Variants in USP21 observed in about 807,000 individuals in gnomAD.
USP21 encodes the protein ubiquitin specific peptidase 21, also known as ubiquitin carboxyl-terminal hydrolase 21.
In USP21, 37 loss-of-function variants were observed where a neutral mutation model predicts 70.8. The ratio of observed to expected loss-of-function variants is 0.52; its 90% CI spans 0.40 to 0.69. The LOEUF (loss-of-function observed/expected upper bound fraction) is 0.69. USP21 is among the 30% of genes least tolerant of loss of function. USP21 has a pLI of 0.00. For synonymous variants in USP21, 263 were observed against 283.1 expected, an observed-to-expected ratio of 0.93 and a Z score of 0.71; for missense variants, 584 against 740.8, an observed-to-expected ratio of 0.79 and a Z score of 2.46.
Position 161,163,624 on chromosome 1 carries a change from G to A in USP21, c.1114+5G>A. ...GAGAGGACAGCAAGATTGTGGGTAT[G>A]GAATGGGGCAAAGCAATGAGGGAAA... On this transcript the variant is annotated splice_donor_5th_base_variant and intron_variant, in intron 8 of 13. Transcript: ENST00000368002. The A allele has an allele frequency of 1.3e-6, 2 of 1,596,108 alleles. No individual in the cohort carries two copies. The highest frequency in any genetic ancestry group is 1.7e-6 in the Non-Finnish European group (2 of 1,169,874).
Position 161,160,637 on chromosome 1 carries a change from C to T in USP21, c.-4C>T. The T allele has an allele frequency of 6.2e-7, 1 of 1,610,410 alleles. No individual in the cohort carries two copies. The highest frequency in any genetic ancestry group is 8.5e-7 in the Non-Finnish European group (1 of 1,177,188). ...CCTCCCAGGTCCAGCCTGTGGTGTC[C>T]ACAATGCCCCAGGCCTCTGAGCACC... is the stretch of plus-strand genomic sequence containing the variant. On this transcript the variant is annotated 5_prime_UTR_variant, in exon 3 of 14. Transcript: ENST00000368002.
At position 161,160,800 on chromosome 1, in the gene USP21, C is replaced by G. The variant is rs775224335; in HGVS notation, c.160C>G (p.Pro54Ala). ...AAACCCCATGTTACGACCTCTGCCT[C>G]CCCGGCCAGGTCTGCCTGATGAACG... is the stretch of plus-strand genomic sequence containing the variant. ...GPNPMLRPLP[P>A]RPGLPDERLK... The change falls in exon 3 of 14, where the codon CCC becomes GCC. Residue 54 changes from proline to alanine, a missense_variant. This residue lies in a region of USP21 where 284 missense variants were observed against 281.0 expected (regional missense o/e 1.01). Transcript: ENST00000368002. 6 of 1,614,098 alleles carry G rather than the reference C, an allele frequency of 3.7e-6. No homozygotes were observed. In the African/African-American group the frequency reaches 6.7e-5, roughly 18 times the overall value.
chr1:161,165,550 A>AG lies in USP21; in HGVS notation c.*109dup. 2 of 284,628 alleles carry AG rather than the reference A, an allele frequency of 7.0e-6. No homozygotes were observed. The highest frequency in any genetic ancestry group is 3.5e-5 in the South Asian group (1 of 28,356). The allele number at this position is 284,628 out of a possible 1,614,324, so 17.6% of individuals were successfully genotyped here. On this transcript the variant is annotated 3_prime_UTR_variant, in exon 14 of 14. Coordinates refer to ENST00000368002, the MANE Select transcript of USP21 (RefSeq NM_001014443.3). ...TATTTTTGTGTCTTTTTAATCGGGGAGGGGGGAGGGGGTGGTTGTAGCTCC... is the reference window on the plus strand; with the variant it reads ...TATTTTTGTGTCTTTTTAATCGGGGAGGGGGGGAGGGGGTGGTTGTAGCTCC...
In USP21 at chr1:161,162,343, TC is replaced by T; in HGVS notation, c.736del (p.Arg246GlyfsTer20). 4 of 1,613,652 alleles carry T rather than the reference TC, an allele frequency of 2.5e-6. No homozygotes were observed. Among genetic ancestry groups the T allele is most frequent in the Non-Finnish European group, 2.5e-6 (3 of 1,179,798 alleles). Reference protein sequence around the residue: ...PLRDFCLRRDFRQEVPGGGRA... With the variant: ...PLRDFCLRRDXRQEVPGGGRA... ...CGGGACTTCTGTCTGAGAAGGGACT[TC>T]CGGCAAGAGGTGCCTGGAGGAGGCC... On this transcript the variant is annotated frameshift_variant, in exon 5 of 14. Coordinates refer to ENST00000368002, the MANE Select transcript of USP21 (RefSeq NM_001014443.3). LOFTEE classifies it high-confidence loss of function. The surrounding 1 kb of genome is among the most constrained non-coding windows in gnomAD (Gnocchi z 4.1).
chr1:161,164,728 C>A lies in USP21; in HGVS notation c.1385-107C>A. On this transcript the variant is annotated intron_variant, in intron 11 of 13. Coordinates refer to ENST00000368002, the MANE Select transcript of USP21 (RefSeq NM_001014443.3). The surrounding 1 kb of genome is among the most constrained non-coding windows in gnomAD (Gnocchi z 4.2). ...GAAAAGTCTGCCACCCACTTTTCCACAAGATGCTCCCAGTGTGTCGGGAGT... is the reference window on the plus strand; with the variant it reads ...GAAAAGTCTGCCACCCACTTTTCCAAAAGATGCTCCCAGTGTGTCGGGAGT... 1 of 1,600,308 alleles carries A rather than the reference C, an allele frequency of 6.2e-7. No individual in the cohort carries two copies. Among genetic ancestry groups the A allele is most frequent in the Admixed American group, 1.7e-5 (1 of 58,888 alleles).
At position 161,164,640 on chromosome 1, in the gene USP21, T is replaced by C; in HGVS notation, c.1384+28T>C. 1 of 1,613,918 alleles carries C rather than the reference T, an allele frequency of 6.2e-7. No homozygotes were observed. The highest frequency in any genetic ancestry group is 1.7e-5 in the Admixed American group (1 of 60,022). ...ATCCTAATCTTCAGATTCTTACTTC[T>C]CTTAGGATACCTCCCATACATTCTC... On this transcript the variant is annotated intron_variant, in intron 11 of 13. Coordinates refer to ENST00000368002, the MANE Select transcript of USP21 (RefSeq NM_001014443.3). The surrounding 1 kb of genome is among the most constrained non-coding windows in gnomAD (Gnocchi z 4.2).
At position 161,164,950 on chromosome 1, in the gene USP21, T is replaced by A; in HGVS notation, c.1492+8T>A. 6.2e-7 allele frequency: 1 copy of A among 1,613,864 alleles called. No individual in the cohort carries two copies. The highest frequency in any genetic ancestry group is 1.3e-5 in the African/African-American group (1 of 75,030). ...TTGCCAGTGACAAAGCCGGTGAGTC[T>A]GGTGGGGAAAGTCCTAAGGAGCCAA... On this transcript the variant is annotated splice_region_variant and intron_variant, in intron 12 of 13. Coordinates refer to ENST00000368002, the MANE Select transcript of USP21 (RefSeq NM_001014443.3). This position sits in a 1 kb window ranked among gnomAD's most constrained non-coding sequence, Gnocchi z 4.2.
In USP21 at chr1:161,165,075, C is replaced by T. The variant is rs1368794125; in HGVS notation, c.1539C>T (p.Ser513=). ...ATGCCCTTTGCAACCACTCAGGCAGCGTCCACTATGGCCACTACACAGCCC... is the reference window on the plus strand; with the variant it reads ...ATGCCCTTTGCAACCACTCAGGCAGTGTCCACTATGGCCACTACACAGCCC... ...QLYALCNHSG[S]VHYGHYTALC... Residue 513 remains serine (S), a synonymous_variant, in exon 13 of 14, where the codon AGC becomes AGT. Transcript: ENST00000368002. 9 of 1,613,858 alleles carry T rather than the reference C, an allele frequency of 5.6e-6. No individual in the cohort carries two copies. Among genetic ancestry groups the T allele is most frequent in the Middle Eastern group, 1.6e-4 (1 of 6,082 alleles).
rs1348279732 is a variant in USP21, at chr1:161,161,199, T to C, written c.559T>C (p.Ser187Pro). Residue 187 changes from serine to proline, a missense_variant, in exon 3 of 14, where the codon TCC becomes CCC. By Grantham distance (74) the Ser-to-Pro change is moderately conservative (BLOSUM62 -1). This residue lies in a region of USP21 where 284 missense variants were observed against 281.0 expected (regional missense o/e 1.01). Transcript: ENST00000368002. The surrounding 1 kb of genome is among the most constrained non-coding windows in gnomAD (Gnocchi z 4.2). ...PASHGSFHMISARSSEPFYSD... is the reference protein window; with the variant it reads ...PASHGSFHMIPARSSEPFYSD... ...TTCCCATGGCTCCTTCCACATGATA[T>C]CCGCCCGGTCCTCTGAGCCTTTCTA... 24 of 1,611,582 alleles carry C rather than the reference T, an allele frequency of 1.5e-5. No homozygotes were observed. The highest frequency in any genetic ancestry group is 2.0e-5 in the Non-Finnish European group (24 of 1,178,398).
At position 161,161,779 on chromosome 1, in the gene USP21, C is replaced by G. The variant is rs568118134; in HGVS notation, c.601-259C>G. On this transcript the variant is annotated intron_variant, in intron 3 of 13. Coordinates refer to ENST00000368002, the MANE Select transcript of USP21 (RefSeq NM_001014443.3). The surrounding 1 kb of genome is among the most constrained non-coding windows in gnomAD (Gnocchi z 4.2). ...GGGGGAGTTGCCCCAGGAGCTGCAA[C>G]GTCAGCTAGCTGAGCAGAGGAGTAA... 9.5e-6 allele frequency: 5 copies of G among 524,408 alleles called. No individual in the cohort carries two copies. The highest frequency in any genetic ancestry group is 1.7e-5 in the Non-Finnish European group (5 of 292,548). The allele number at this position is 524,408 out of a possible 1,614,324, so 32.5% of individuals were successfully genotyped here.
At position 161,164,648 on chromosome 1, in the gene USP21, T is replaced by C. The variant is rs1231620980; in HGVS notation, c.1384+36T>C. The C allele has an allele frequency of 3.1e-6, 5 of 1,613,518 alleles. No individual in the cohort carries two copies. Among genetic ancestry groups the C allele is most frequent in the Non-Finnish European group, 4.2e-6 (5 of 1,179,550 alleles). ...CTTCAGATTCTTACTTCTCTTAGGA[T>C]ACCTCCCATACATTCTCTTTCCTCC... On this transcript the variant is annotated intron_variant, in intron 11 of 13. Transcript: ENST00000368002. This position sits in a 1 kb window ranked among gnomAD's most constrained non-coding sequence, Gnocchi z 4.2.
chr1:161,160,965 G>T lies in USP21; in HGVS notation c.325G>T (p.Ala109Ser), dbSNP rs372425350. ...GCCTCTCCCATCTCGGACCAACTTA[G>T]CCCGTTCCAAGTCTGTGAGCAGTGG... The part of the protein sequence containing the change: ...ALPLPSRTNL[A>S]RSKSVSSGDL... The change falls in exon 3 of 14, where the codon GCC (alanine) becomes TCC (serine). Residue 109 changes from alanine (A) to serine (S), a missense_variant. Coordinates refer to ENST00000368002, the MANE Select transcript of USP21 (RefSeq NM_001014443.3). The T allele has an allele frequency of 1.9e-5, 30 of 1,614,128 alleles. No homozygotes were observed. Among genetic ancestry groups the T allele is most frequent in the Non-Finnish European group, 2.3e-5 (27 of 1,180,058 alleles).
At position 161,159,635 on chromosome 1, in the gene USP21, G is replaced by A. The variant is rs1657736024; in HGVS notation, c.-206G>A. 1 of 152,322 alleles carries A rather than the reference G, an allele frequency of 6.6e-6. No individual in the cohort carries two copies. The highest frequency in any genetic ancestry group is 2.1e-4 in the South Asian group (1 of 4,830). 9.4% of individuals were successfully genotyped at this position (152,322 alleles called of 1,614,324 possible). ...TAGTAGGGGGTGGCCCTGAACTGGG[G>A]CCTGGCCCTGGCTGGCCTCTCCCGC... On this transcript the variant is annotated 5_prime_UTR_variant, in exon 1 of 14. Transcript: ENST00000368002.
Position 161,162,449 on chromosome 1 carries a change from G to A in USP21, c.781+59G>A. 1 of 1,566,858 alleles carries A rather than the reference G, an allele frequency of 6.4e-7. No homozygotes were observed. The highest frequency in any genetic ancestry group is 1.4e-5 in the African/African-American group (1 of 73,678). ...TCCCTTTTTCCCCAACCACTTGCAG[G>A]TCCATCTGCCACTGGTGGTGGCCCC... On this transcript the variant is annotated intron_variant, in intron 5 of 13. Coordinates refer to ENST00000368002, the MANE Select transcript of USP21 (RefSeq NM_001014443.3). The surrounding 1 kb of genome is among the most constrained non-coding windows in gnomAD (Gnocchi z 4.1).
rs1384289268 is a variant in USP21 at position 161,164,353 on chromosome 1, T to C, written c.1305+103T>C. 1.2e-5 allele frequency: 17 copies of C among 1,367,568 alleles called. No homozygotes were observed. Among genetic ancestry groups the C allele is most frequent in the Non-Finnish European group, 1.8e-5 (17 of 962,962 alleles). 84.7% of individuals were successfully genotyped at this position (1,367,568 alleles called of 1,614,324 possible). On this transcript the variant is annotated intron_variant, in intron 10 of 13. Transcript: ENST00000368002. The surrounding 1 kb of genome is among the most constrained non-coding windows in gnomAD (Gnocchi z 4.2). Reference sequence around the variant, plus strand: ...ATGTCTTCATATGGGGAATAATATTTATGTATCTGGGTTTGTGTTGGAGTC... The same window carrying C: ...ATGTCTTCATATGGGGAATAATATTCATGTATCTGGGTTTGTGTTGGAGTC...
intron 8 of USP21, 39 bp downstream of exon 8, chr1:161,163,658 G>A (rs201990487): frequency 3.7e-6 from 5 of 1,369,366 alleles, no homozygotes; most frequent in Non-Finnish European, 5.0e-6. Context: ...AAATTAGTGT[G>A]TGAGGGGGGT....
intron 7 of USP21, among the ~76,000 whole-genome samples, 163 bp downstream of exon 7, chr1:161,163,237 G>C (rs187587696): frequency 1.3e-5 from 2 of 152,290 alleles, no homozygotes. Flanking sequence ...GGAAGGAAGA[G>C]GGGGAGTCTA....
Position 161,163,089 on chromosome 1 carries a change from C to G in USP21, c.1049+15C>G. The G allele has an allele frequency of 6.4e-7, 1 of 1,572,346 alleles. No individual in the cohort carries two copies. The highest frequency in any genetic ancestry group is 8.6e-7 in the Non-Finnish European group (1 of 1,160,240). On this transcript the variant is annotated intron_variant, in intron 7 of 13. Transcript: ENST00000368002. ...CCTGAGTTAAGGTAAGGGTCGTTCC[C>G]TCTACCTCCTTTCCCCGTAGTTTAT...
In USP21 at chr1:161,165,521, CG is replaced by C; in HGVS notation, c.*75del. 1.1e-6 allele frequency: 1 copy of C among 950,730 alleles called. No individual in the cohort carries two copies. 58.9% of individuals were successfully genotyped at this position (950,730 alleles called of 1,614,324 possible). A position where few individuals can be genotyped will look rare whatever the true frequency, so the allele number is the denominator to read the frequency against. The stretch of plus-strand genomic sequence containing the variant: ...CCAGGCTCCCCGTTTACCTCAGAGA[CG>C]TCTATTTTTGTGTCTTTTTAATCGG... On this transcript the variant is annotated 3_prime_UTR_variant, in exon 14 of 14. Transcript: ENST00000368002.
Sources: allele counts gnomAD v4.1 joint callset (sites outside exome capture counted in the v4.1 genomes callset), GRCh38; gene constraint gnomAD v4.1.1; regional missense constraint gnomAD v4.1.1; non-coding constraint Gnocchi (gnomAD v3.1); transcripts MANE v1.5; gene names NCBI Gene and HGNC (gene_info 2026-07-23, HGNC 2026-07-21).